Variants in PCDHGB2 observed in about 807,000 individuals in gnomAD.
PCDHGB2 encodes protocadherin gamma subfamily B, 2.
PCDHGB2 carries 55 observed loss-of-function variants against 59.3 expected under a neutral mutation model. That is an observed-to-expected ratio of 0.93 (90% CI 0.75 to 1.16). PCDHGB2 has a LOEUF of 1.16. Ranked by LOEUF, PCDHGB2 falls within the 50% of genes most tolerant of loss-of-function variation. The pLI, the probability that PCDHGB2 is intolerant of heterozygous loss-of-function variation, is 0.00. For synonymous variants in PCDHGB2, 516 were observed against 512.0 expected, an observed-to-expected ratio of 1.01 and a Z score of -0.11; for missense variants, 1,228 against 1,198.5, an observed-to-expected ratio of 1.02 and a Z score of -0.36.
At chr5:141,509,650 T>C (rs1484029268) in intron 3 of PCDHGB2, among the ~76,000 whole-genome samples, 1 of 152,188 alleles carries the variant, frequency 6.6e-6, no homozygotes, top group African/African-American at 2.4e-5. Context: ...GGCCAGAGTG[T>C]GGACTTCTCT....
In PCDHGB2 at chr5:141,487,605, A is replaced by G. The variant is rs202066746; in HGVS notation, c.2422-7202A>G. Reference sequence around the variant, plus strand: ...AGCTGCCCACCCTCTGATCTTCTCTATGGGCTAGAGGTGAGACCTTTGCAG... The same window carrying G: ...AGCTGCCCACCCTCTGATCTTCTCTGTGGGCTAGAGGTGAGACCTTTGCAG... On this transcript the variant is annotated intron_variant, in intron 1 of 3. Transcript: ENST00000522605. The surrounding 1 kb of genome is among the most constrained non-coding windows in gnomAD (Gnocchi z 5.0). 8.7e-6 allele frequency: 14 copies of G among 1,614,008 alleles called. No individual in the cohort carries two copies. In the South Asian group the frequency reaches 8.8e-5, roughly 10 times the overall value.
At chr5:141,422,503 A>G (rs2096653107) in intron 1 of PCDHGB2, 2 of 1,613,924 alleles carry the variant, frequency 1.2e-6, no homozygotes, top group Non-Finnish European at 1.7e-6. Context: ...GTTGACAGCC[A>G]CAGACCAGGG....
chr5:141,406,761 A>T (rs1327829124), intron 1 of PCDHGB2, among the ~76,000 whole-genome samples: 1 of 152,234 alleles, frequency 6.6e-6, no homozygotes. Flanking sequence ...ACAAGGAATT[A>T]AAAATATTTC....
chr5:141,489,913 A>G lies in PCDHGB2; in HGVS notation c.2422-4894A>G. 1 of 1,614,208 alleles carries G rather than the reference A, an allele frequency of 6.2e-7. No homozygotes were observed. Among genetic ancestry groups the G allele is most frequent in the Non-Finnish European group, 8.5e-7 (1 of 1,180,044 alleles). Reference sequence around the variant, plus strand: ...TGGGGGGACCCCAGCCCGCTCAGGGACCACCCTTATCTCTGTCATCGTGCT... The same window carrying G: ...TGGGGGGACCCCAGCCCGCTCAGGGGCCACCCTTATCTCTGTCATCGTGCT... On this transcript the variant is annotated intron_variant, in intron 1 of 3. Transcript: ENST00000522605. The surrounding 1 kb of genome is among the most constrained non-coding windows in gnomAD (Gnocchi z 4.5).
chr5:141,491,908 G>A lies in PCDHGB2; in HGVS notation c.2422-2899G>A. ...GGGGCTCCGAGCACCGGGGGTGGTG[G>A]CGACTGTGGGCGAGGGGAGGTGGGA... On this transcript the variant is annotated intron_variant, in intron 1 of 3. Transcript: ENST00000522605. The surrounding 1 kb of genome is among the most constrained non-coding windows in gnomAD (Gnocchi z 6.9). The A allele has an allele frequency of 7.1e-7, 1 of 1,408,288 alleles. No individual in the cohort carries two copies. Among genetic ancestry groups the A allele is most frequent in the East Asian group, 2.5e-5 (1 of 39,276 alleles). The allele number at this position is 1,408,288 out of a possible 1,614,324, so 87.2% of individuals were successfully genotyped here. A position where few individuals can be genotyped will look rare whatever the true frequency, so the allele number is the denominator to read the frequency against.
At chr5:141,399,818 G>A in intron 1 of PCDHGB2, 1 of 1,613,204 alleles carries the variant, frequency 6.2e-7, no homozygotes, top group Non-Finnish European at 8.5e-7. Context: ...CCCGCGCTGG[G>A]TCCCGACGGC....
chr5:141,362,039 G>A lies in PCDHGB2; in HGVS notation c.1904G>A (p.Arg635Lys), dbSNP rs1434989183. 1 of 1,610,428 alleles carries A rather than the reference G, an allele frequency of 6.2e-7. No individual in the cohort carries two copies. The highest frequency in any genetic ancestry group is 1.7e-5 in the Admixed American group (1 of 59,848). ...CGCACAGCGCGTGCCTTGGGCGACA[G>A]GGACGCGGCCCGCCAGCGCCTGCTG... ...EVRTARALGD[R>K]DAARQRLLVA... Residue 635 changes from arginine (R) to lysine (K), a missense_variant, in exon 1 of 4, where the codon AGG (arginine) becomes AAG (lysine). This residue lies in a region of PCDHGB2 where 433 missense variants were observed against 441.8 expected (regional missense o/e 0.98). Transcript: ENST00000522605.
intron 1 of PCDHGB2, chr5:141,427,043 G>A: frequency 2.2e-6 from 1 of 457,348 alleles, no homozygotes; most frequent in Non-Finnish European, 4.4e-6. Context: ...GAGAGAATGT[G>A]CCCCCAGGCA....
intron 1 of PCDHGB2, chr5:141,372,083 G>A (rs1381793721): frequency 1.2e-6 from 2 of 1,613,756 alleles, no homozygotes; most frequent in Non-Finnish European, 8.5e-7. Context: ...CGCTGGTGCT[G>A]TACCCAGCTC....
At chr5:141,392,625 C>T (rs939952294) in intron 1 of PCDHGB2, 4 of 567,662 alleles carry the variant, frequency 7.0e-6, no homozygotes, top group Non-Finnish European at 8.9e-6. Context: ...CGAAAACACT[C>T]AGATCTCACA....
At chr5:141,435,067 T>C (rs1381741674) in intron 1 of PCDHGB2, among the ~76,000 whole-genome samples, 1 of 152,168 alleles carries the variant, frequency 6.6e-6, no homozygotes, top group African/African-American at 2.4e-5. Flanking sequence ...CAGTTTTGTG[T>C]AGACCGTCTG....
At chr5:141,393,937 ACT>A in intron 1 of PCDHGB2, 3 of 1,613,906 alleles carry the variant, frequency 1.9e-6, no homozygotes, top group Non-Finnish European at 2.5e-6. Flanking sequence ...CATGACCAAG[ACT>A]CTGGAAAGAA....
intron 1 of PCDHGB2, chr5:141,414,994 T>G (rs1390374290): frequency 6.2e-7 from 1 of 1,613,744 alleles, no homozygotes; most frequent in South Asian, 1.1e-5. Flanking sequence ...CCAGAACGCC[T>G]GGCTGTCCTA....
chr5:141,398,962 T>A lies in PCDHGB2; in HGVS notation c.2421+36406T>A, dbSNP rs568248356. ...CGAGGGCATCAACTCAGAAATTACT[T>A]ATTCCTTCTACAGAACCGGGCAAAT... On this transcript the variant is annotated intron_variant, in intron 1 of 3. Coordinates refer to ENST00000522605, the MANE Select transcript of PCDHGB2 (RefSeq NM_018923.3). The A allele has an allele frequency of 2.6e-5, 42 of 1,613,934 alleles. No individual in the cohort carries two copies. Among genetic ancestry groups the A allele is most frequent in the Middle Eastern group, 3.3e-4 (2 of 6,062 alleles).
intron 1 of PCDHGB2, chr5:141,403,027 G>A: frequency 6.2e-7 from 1 of 1,614,070 alleles, no homozygotes; most frequent in East Asian, 2.2e-5. Context: ...TGCTATGGGA[G>A]GCCAGGGCCA....
rs70988800 is a variant in PCDHGB2 at position 141,379,889 on chromosome 5, C to CTTTTTTTTTTTTTTTT, written c.2421+17348_2421+17363dup. 2.0e-3 allele frequency among the ~76,000 whole-genome samples: 102 copies of CTTTTTTTTTTTTTTTT among 50,818 alleles called. 16 individuals carry two copies. The highest frequency in any genetic ancestry group is 2.6e-3 in the Non-Finnish European group (66 of 25,878). The allele number at this position is 50,818 out of a possible 152,430, so 33.3% of individuals were successfully genotyped here. On this transcript the variant is annotated intron_variant, in intron 1 of 3. Transcript: ENST00000522605. Reference sequence around the variant, plus strand: ...CTTATTTTATGGTCTGTGAAAGCCTCTTTTTTTTTTTTTTTTTTTTTTTTT... The same window carrying CTTTTTTTTTTTTTTTT: ...CTTATTTTATGGTCTGTGAAAGCCTCTTTTTTTTTTTTTTTTTTTTTTTTTTTTTTTTTTTTTTTTT...
At chr5:141,450,129 C>T (rs1211301953) in intron 1 of PCDHGB2, among the ~76,000 whole-genome samples, 1 of 151,472 alleles carries the variant, frequency 6.6e-6, no homozygotes, top group African/African-American at 2.4e-5. Context: ...GCCTTAGCCT[C>T]CTGAGTAGCT....
At chr5:141,413,958 G>C in intron 1 of PCDHGB2, 1 of 1,613,392 alleles carries the variant, frequency 6.2e-7, no homozygotes, top group African/African-American at 1.3e-5. Flanking sequence ...ATTTGCCTGT[G>C]GGCACTCAGC....
At chr5:141,419,449 C>T (rs780917543) in intron 1 of PCDHGB2, 5 of 1,612,958 alleles carry the variant, frequency 3.1e-6, no homozygotes, top group Non-Finnish European at 4.2e-6. Context: ...CCTTCGAGCT[C>T]ACGCTGCAGG....
Sources: allele counts gnomAD v4.1 joint callset (sites outside exome capture counted in the v4.1 genomes callset), GRCh38; gene constraint gnomAD v4.1.1; regional missense constraint gnomAD v4.1.1; non-coding constraint Gnocchi (gnomAD v3.1); transcripts MANE v1.5; gene names NCBI Gene and HGNC (gene_info 2026-07-23, HGNC 2026-07-21).